Variants in LRP1B observed in about 807,000 individuals in gnomAD.
LRP1B encodes the protein low-density lipoprotein receptor-related protein 1B.
LRP1B carries 217 observed loss-of-function variants against 556.6 expected under a neutral mutation model. That is an observed-to-expected ratio of 0.39 (90% CI 0.35 to 0.44). The LOEUF is 0.44. Among genes scored for constraint, LRP1B ranks in the 20% least tolerant of loss-of-function variants. LRP1B has a pLI of 1.00. For missense variants in LRP1B, 5,053 were observed against 5,620.8 expected (o/e 0.90, Z 3.23); for synonymous variants, 2,047 against 1,865.8 (o/e 1.10, Z -2.50).
At chr2:141,852,824 C>T (rs774206260) in intron 1 of LRP1B, among the ~76,000 whole-genome samples, 1 of 149,936 alleles carries the variant, frequency 6.7e-6, no homozygotes, top group Admixed American at 6.6e-5. Flanking sequence ...ATTAAAAATG[C>T]CAAAAGAAAA....
chr2:141,967,343 T>C (rs550425130), intron 1 of LRP1B, among the ~76,000 whole-genome samples: 48 of 151,970 alleles, frequency 3.2e-4, no homozygotes, highest in African/African-American at 1.0e-3. Flanking sequence ...TATAATGACA[T>C]GGATTAATGG....
At chr2:141,006,982 C>T (rs1475486816) in intron 14 of LRP1B, among the ~76,000 whole-genome samples, 1 of 151,880 alleles carries the variant, frequency 6.6e-6, no homozygotes, top group Non-Finnish European at 1.5e-5. Context: ...AAGAACTCAA[C>T]ACTAGCAATA....
intron 3 of LRP1B, among the ~76,000 whole-genome samples, chr2:141,304,773 T>C (rs1253670748): frequency 6.6e-6 from 1 of 152,138 alleles, no homozygotes; most frequent in African/African-American, 2.4e-5. Flanking sequence ...AGTTCTGGGA[T>C]GACAGGCATG....
intron 2 of LRP1B, among the ~76,000 whole-genome samples, chr2:141,678,652 C>T (rs1403608533): frequency 1.2e-4 from 18 of 152,188 alleles, no homozygotes; most frequent in Non-Finnish European, 2.6e-4. Context: ...GTATTCAGAA[C>T]ACTCAAAGAA....
At chr2:141,468,586 G>A (rs1308977506) in intron 3 of LRP1B, among the ~76,000 whole-genome samples, 1 of 152,004 alleles carries the variant, frequency 6.6e-6, no homozygotes, top group East Asian at 1.9e-4. Flanking sequence ...AGAATAAAGA[G>A]AATTTATACC....
chr2:141,425,217 A>C (rs1028816891), intron 3 of LRP1B, among the ~76,000 whole-genome samples: 1 of 151,578 alleles, frequency 6.6e-6, no homozygotes, highest in African/African-American at 2.4e-5. Flanking sequence ...ATGATTTCCA[A>C]TTTCATCCAT....
intron 3 of LRP1B, among the ~76,000 whole-genome samples, chr2:141,375,747 C>A (rs1255238282): frequency 6.6e-6 from 1 of 152,134 alleles, no homozygotes; most frequent in Non-Finnish European, 1.5e-5. Flanking sequence ...CCCTTCCAGG[C>A]AAACAGCATA....
chr2:141,252,194 A>T (rs996136467), intron 4 of LRP1B, among the ~76,000 whole-genome samples: 1 of 104,504 alleles, frequency 9.6e-6, no homozygotes, highest in Non-Finnish European at 2.0e-5. Flanking sequence ...CACCCCCACC[A>T]CCCCCCACCC....
At chr2:140,404,524 T>TA (rs1391946851) in intron 66 of LRP1B, among the ~76,000 whole-genome samples, 1 of 151,864 alleles carries the variant, frequency 6.6e-6, no homozygotes, top group East Asian at 1.9e-4. Context: ...AATAAGACAA[T>TA]AAAAAAGTAT....
chr2:141,409,418 T>C (rs1327073899), intron 3 of LRP1B, among the ~76,000 whole-genome samples: 1 of 152,136 alleles, frequency 6.6e-6, no homozygotes, highest in African/African-American at 2.4e-5. Context: ...AGAATTATTA[T>C]GAGATTCAGA....
At chr2:140,350,241 C>T (rs1681895330) in intron 77 of LRP1B, among the ~76,000 whole-genome samples, 1 of 151,930 alleles carries the variant, frequency 6.6e-6, no homozygotes, top group Admixed American at 6.6e-5. Context: ...TATTTTTTCT[C>T]AAAAACAATA....
chr2:140,821,196 T>C (rs536872703), intron 31 of LRP1B, among the ~76,000 whole-genome samples: 3 of 152,282 alleles, frequency 2.0e-5, no homozygotes, highest in South Asian at 2.1e-4. Flanking sequence ...GGTTTTGTTT[T>C]TAGGGTCTAG....
chr2:141,555,935 GGTTTTGTTTT>G lies in LRP1B; in HGVS notation c.206-75412_206-75403del, dbSNP rs750771108. Among the ~76,000 whole-genome samples the G allele has an allele frequency of 2.4e-3, 366 of 151,660 alleles. 3 individuals carry two copies. The highest frequency in any genetic ancestry group is 3.3e-3 in the Non-Finnish European group (221 of 67,774). On this transcript the variant is annotated intron_variant, in intron 2 of 90. Coordinates refer to ENST00000389484, the MANE Select transcript of LRP1B (RefSeq NM_018557.3). ...AGTTTTAAATCTTTTATTTCTGCAGGGTTTTGTTTTGTTTTGTTTTGTTTTGTTTAAAGTG... is the reference window on the plus strand; with the variant it reads ...AGTTTTAAATCTTTTATTTCTGCAGGGTTTTGTTTTGTTTTGTTTAAAGTG...
chr2:141,843,448 A>G (rs1697544558), intron 1 of LRP1B, among the ~76,000 whole-genome samples: 1 of 152,192 alleles, frequency 6.6e-6, no homozygotes, highest in Admixed American at 6.6e-5. Flanking sequence ...GCTAATTTCT[A>G]CATTTTAATT....
At chr2:140,908,163 G>A (rs1043769572) in intron 21 of LRP1B, 86 bp from the exon 22 acceptor site, 4 of 1,025,046 alleles carry the variant, frequency 3.9e-6, no homozygotes, top group Non-Finnish European at 6.0e-6. Context: ...TCAGTCACAG[G>A]CAGAATTACT....
intron 1 of LRP1B, among the ~76,000 whole-genome samples, chr2:141,892,787 A>C (rs956546184): frequency 1.3e-5 from 2 of 152,142 alleles, no homozygotes; most frequent in Non-Finnish European, 2.9e-5. Context: ...TCTATTTCCC[A>C]GACGCTAAAA....
chr2:140,838,858 C>T (rs1692007489), intron 31 of LRP1B, among the ~76,000 whole-genome samples: 1 of 152,168 alleles, frequency 6.6e-6, no homozygotes, highest in South Asian at 2.1e-4. Context: ...AGGTTCGAAA[C>T]AGTATTATAA....
intron 47 of LRP1B, 60 bp from the exon 48 acceptor site, chr2:140,526,410 C>T (rs568433924): frequency 1.9e-6 from 2 of 1,036,572 alleles, no homozygotes; most frequent in Non-Finnish European, 1.5e-6. Context: ...CTTGCTTTTA[C>T]ATTTTGAATA....
At chr2:141,397,492 T>G (rs1690283975) in intron 3 of LRP1B, among the ~76,000 whole-genome samples, 1 of 151,962 alleles carries the variant, frequency 6.6e-6, no homozygotes, top group Non-Finnish European at 1.5e-5. Context: ...AACACAATAT[T>G]ATTTTTTCTA....
Sources: allele counts gnomAD v4.1 joint callset (sites outside exome capture counted in the v4.1 genomes callset), GRCh38; gene constraint gnomAD v4.1.1; transcripts MANE v1.5; gene names NCBI Gene and HGNC (gene_info 2026-07-23, HGNC 2026-07-21).